Variants in TTC3 observed in about 807,000 individuals in gnomAD.
TTC3 encodes the protein E3 ubiquitin-protein ligase TTC3.
TTC3 carries 180 observed loss-of-function variants against 249.6 expected under a neutral mutation model. That is an observed-to-expected ratio of 0.72 (90% confidence interval 0.64 to 0.82). TTC3 has a LOEUF of 0.82. TTC3 is among the 40% of genes least tolerant of loss of function. The probability of loss-of-function intolerance (pLI) is 0.00; values close to 1 mark genes in which losing one functional copy is unlikely to be tolerated. For synonymous variants in TTC3, 717 were observed against 805.0 expected, an observed-to-expected ratio of 0.89 and a Z score of 1.85; for missense variants, 2,061 against 2,398.4, an observed-to-expected ratio of 0.86 and a Z score of 2.94.
chr21:37,191,460 TTTATG>T, intron 40 of TTC3, 36 bp downstream of exon 40: 1 of 1,339,798 alleles, frequency 7.5e-7, no homozygotes. Flanking sequence ...CATCAAAATC[TTTATG>T]ATAGTTATAA....
intron 1 of TTC3, among the ~76,000 whole-genome samples, chr21:37,084,494 C>CT (rs2072136322): frequency 6.6e-6 from 1 of 152,164 alleles, no homozygotes; most frequent in Non-Finnish European, 1.5e-5. Context: ...CTTCTAAGCT[C>CT]TTTACATGTA....
chr21:37,123,389 G>A (rs988262945), intron 13 of TTC3, among the ~76,000 whole-genome samples: 13 of 152,102 alleles, frequency 8.5e-5, no homozygotes, highest in Admixed American at 7.2e-4. Context: ...CCTCTGTCTT[G>A]GAAGTATCTA....
At chr21:37,113,699 A>G (rs981319599) in intron 11 of TTC3, among the ~76,000 whole-genome samples, 1 of 152,226 alleles carries the variant, frequency 6.6e-6, no homozygotes, top group South Asian at 2.1e-4. Context: ...TAAAGTTCAT[A>G]TGGAACCAAA....
At chr21:37,167,238 T>A (rs2081328758) in intron 33 of TTC3, among the ~76,000 whole-genome samples, 1 of 152,156 alleles carries the variant, frequency 6.6e-6, no homozygotes, top group East Asian at 1.9e-4. Flanking sequence ...AAGGAAGAGA[T>A]GAAATCAAGA....
chr21:37,132,835 G>T, intron 17 of TTC3, 69 bp downstream of exon 17: 1 of 1,211,728 alleles, frequency 8.3e-7, no homozygotes, highest in Non-Finnish European at 1.2e-6. Flanking sequence ...CATGAATAAG[G>T]TTCTAATCAT....
At chr21:37,150,028 C>G in intron 23 of TTC3, 50 bp from the exon 24 acceptor site, 1 of 1,314,400 alleles carries the variant, frequency 7.6e-7, no homozygotes, top group Non-Finnish European at 1.1e-6. Context: ...ATAGATTTAT[C>G]CCCCCTAGAC....
At chr21:37,091,109 A>G (rs1308441025) in intron 6 of TTC3, among the ~76,000 whole-genome samples, 184 bp from the exon 7 acceptor site, 1 of 152,168 alleles carries the variant, frequency 6.6e-6, no homozygotes, top group East Asian at 1.9e-4. Context: ...AGTCCATAGT[A>G]TCTGTTAATT....
exon 19 of TTC3, chr21:37,138,648 C>A (rs908914421): frequency 6.2e-7 from 1 of 1,610,980 alleles, no homozygotes; most frequent in Admixed American, 1.7e-5. Flanking sequence ...TGAACCTGGC[C>A]ATGATTAACT....
intron 21 of TTC3, among the ~76,000 whole-genome samples, chr21:37,145,213 A>G (rs560692708): frequency 6.6e-6 from 1 of 152,364 alleles, no homozygotes; most frequent in East Asian, 1.9e-4. Context: ...TTTTACTTGT[A>G]GTGAACTCTC....
chr21:37,182,718 C>T, intron 35 of TTC3, 56 bp from the exon 36 acceptor site: 1 of 1,468,264 alleles, frequency 6.8e-7, no homozygotes, highest in Non-Finnish European at 9.1e-7. Flanking sequence ...CTTTCAGTCT[C>T]TTTTGTTAAA....
intron 11 of TTC3, among the ~76,000 whole-genome samples, chr21:37,110,161 C>T (rs1035767986): frequency 6.6e-6 from 1 of 152,240 alleles, no homozygotes; most frequent in African/African-American, 2.4e-5. Flanking sequence ...CTCTCCTCCT[C>T]CAAAGGAACG....
At chr21:37,098,205 G>A (rs148193775) in intron 10 of TTC3, 16 of 308,640 alleles carry the variant, frequency 5.2e-5, no homozygotes, top group Non-Finnish European at 8.9e-5. Context: ...ATTTTGTGCT[G>A]TTTGAAGGTG....
chr21:37,138,344 A>G (rs552870098), intron 18 of TTC3, among the ~76,000 whole-genome samples: 222 of 152,354 alleles, frequency 1.5e-3, no homozygotes, highest in Admixed American at 3.8e-3. Context: ...TACTGCTTAT[A>G]TGCAAAATAA....
chr21:37,165,861 C>T (rs1401203809), exon 33 of TTC3: 1 of 1,614,156 alleles, frequency 6.2e-7, no homozygotes, highest in Non-Finnish European at 8.5e-7. Flanking sequence ...GAATTTAAAC[C>T]AGATGTAAAG....
At chr21:37,143,230 G>A (rs1193779930) in intron 20 of TTC3, among the ~76,000 whole-genome samples, 1 of 152,098 alleles carries the variant, frequency 6.6e-6, no homozygotes, top group Non-Finnish European at 1.5e-5. Flanking sequence ...GGCAACAAAA[G>A]CCAAAATTGA....
At chr21:37,076,987 G>A (rs995764664) in intron 1 of TTC3, among the ~76,000 whole-genome samples, 1 of 151,948 alleles carries the variant, frequency 6.6e-6, no homozygotes, top group Non-Finnish European at 1.5e-5. Context: ...AGGCCACCGC[G>A]CCTGGCCTAC....
rs1007734234 is a variant in TTC3, at chr21:37,191,409, A to G, written c.5100A>G (p.Glu1700=). 17 of 1,578,788 alleles carry G rather than the reference A, an allele frequency of 1.1e-5. No homozygotes were observed. In the African/African-American group the frequency reaches 2.3e-4, roughly 22 times the overall value. ...TGTTTCTTTCTAATGTTACAAAAGA[A>G]ATTGAGAAAGCAAAGGTAAGTTGTA... Residue 1700 remains glutamate (E), a synonymous_variant, in exon 40 of 46, where the codon GAA becomes GAG. Coordinates refer to ENST00000355666, the Ensembl canonical transcript of TTC3.
intron 36 of TTC3, among the ~76,000 whole-genome samples, chr21:37,184,328 A>G (rs1308781124): frequency 6.6e-6 from 1 of 152,188 alleles, no homozygotes; most frequent in Non-Finnish European, 1.5e-5. Context: ...TTTTTTCTGT[A>G]CTAGCATAAA....
intron 1 of TTC3, chr21:37,083,167 G>A (rs2071940085): frequency 1.0e-6 from 1 of 985,244 alleles, no homozygotes; most frequent in Non-Finnish European, 1.2e-6. Flanking sequence ...CTGAAATTGA[G>A]TATTAAGAAC....
Sources: gnomAD v4.1 joint callset for allele counts (sites outside exome capture counted in the v4.1 genomes callset) on GRCh38, gnomAD v4.1.1 for gene constraint, MANE v1.5 for transcripts, NCBI Gene and HGNC (gene_info 2026-07-23, HGNC 2026-07-21) for gene names.